CLN5: variants seen among roughly 807,000 people sequenced by gnomAD.
The protein encoded by CLN5 is CLN5 lysosomal BMP synthase, also known as bis(monoacylglycero)phosphate synthase CLN5.
A neutral mutation model predicts 36.7 loss-of-function variants in CLN5; 34 were observed. That is an observed-to-expected ratio of 0.93 (90% CI 0.71 to 1.23). The LOEUF is 1.23. Among genes scored for constraint, CLN5 ranks in the 50% most tolerant of loss-of-function variants. The pLI, the probability that CLN5 is intolerant of heterozygous loss-of-function variation, is 0.00. For synonymous variants in CLN5, 151 were observed against 155.1 expected (o/e 0.97, Z 0.20); for missense variants, 427 against 439.4 (o/e 0.97, Z 0.25).
At chr13:76,998,910 C>A (rs1014811081) in intron 3 of CLN5, 1 of 152,216 alleles carries the variant, frequency 6.6e-6, no homozygotes. Flanking sequence ...TTTCCACCTA[C>A]ATCGTTATCT....
chr13:76,998,699 C>T (rs2034309482), intron 3 of CLN5: 1 of 152,170 alleles, frequency 6.6e-6, no homozygotes, highest in Non-Finnish European at 1.5e-5. Context: ...CTCTCAAGGT[C>T]AAAGAGCTGG....
Position 77,002,884 on chromosome 13 carries a change from A to G in CLN5, c.*1915A>G, listed in dbSNP as rs1225265535. Reference sequence around the variant, plus strand: ...TTTCCAGAACTGCCTTGAAGAGACAAAGATTCTTGTACCAAGTTTTGGTCA... The same window carrying G: ...TTTCCAGAACTGCCTTGAAGAGACAGAGATTCTTGTACCAAGTTTTGGTCA... On this transcript the variant is annotated 3_prime_UTR_variant, in exon 4 of 4. Coordinates refer to ENST00000377453, the MANE Select transcript of CLN5 (RefSeq NM_006493.4). The G allele has an allele frequency of 6.6e-6, 1 of 152,220 alleles. No homozygotes were observed. Among genetic ancestry groups the G allele is most frequent in the Non-Finnish European group, 1.5e-5 (1 of 68,038 alleles). 9.4% of individuals were successfully genotyped at this position (152,220 alleles called of 1,614,324 possible).
chr13:76,996,955 A>G (rs1478560781), intron 3 of CLN5: 1 of 152,040 alleles, frequency 6.6e-6, no homozygotes, highest in African/African-American at 2.4e-5. Context: ...ACATCCCGCC[A>G]ATATCTATTT....
chr13:76,995,636 T>C (rs2034251980), intron 2 of CLN5: 1 of 543,610 alleles, frequency 1.8e-6, no homozygotes, highest in Non-Finnish European at 3.3e-6. Context: ...TATTCTAAGC[T>C]CTAAGGAAAT....
intron 1 of CLN5, 132 bp downstream of exon 1, chr13:76,992,403 T>A: frequency 9.0e-7 from 1 of 1,105,086 alleles, no homozygotes; most frequent in East Asian, 2.7e-5. Flanking sequence ...CAGCGCCGGG[T>A]GACGCTCGGA....
At chr13:76,993,214 C>T (rs914214787) in intron 1 of CLN5, 1 of 152,160 alleles carries the variant, frequency 6.6e-6, no homozygotes, top group Non-Finnish European at 1.5e-5. Flanking sequence ...GAAAGTTACT[C>T]AGAATCTCTG....
At chr13:76,994,411 C>G (rs2034230313) in intron 1 of CLN5, 1 of 152,370 alleles carries the variant, frequency 6.6e-6, no homozygotes, top group Admixed American at 6.5e-5. Flanking sequence ...CCCTCCCCAC[C>G]CCATTCATCC....
intron 3 of CLN5, chr13:76,996,351 A>G (rs938010122): frequency 5.8e-6 from 3 of 517,478 alleles, no homozygotes; most frequent in African/African-American, 3.8e-5. Flanking sequence ...GTTAAGTTAC[A>G]TGAATAAGTT....
At position 77,004,554 on chromosome 13, in the gene CLN5, C is replaced by T. The variant is rs1050492293; in HGVS notation, c.*3585C>T. On this transcript the variant is annotated 3_prime_UTR_variant, in exon 4 of 4. Transcript: ENST00000377453. ...TTGTGCCCTTTTTAAAGTTGGGTGT[C>T]AGCAAGCAGCTGGAATTTTCCTGCC... is the stretch of plus-strand genomic sequence containing the variant. The T allele has an allele frequency of 1.3e-5, 2 of 152,120 alleles. No homozygotes were observed. Among genetic ancestry groups the T allele is most frequent in the African/African-American group, 4.8e-5 (2 of 41,416 alleles). 9.4% of individuals were successfully genotyped at this position (152,120 alleles called of 1,614,324 possible).
In CLN5 at chr13:77,000,712, T is replaced by A; in HGVS notation, c.820T>A (p.Ser274Thr). 6.2e-7 allele frequency: 1 copy of A among 1,614,142 alleles called. No individual in the cohort carries two copies. Among genetic ancestry groups the A allele is most frequent in the Non-Finnish European group, 8.5e-7 (1 of 1,180,004 alleles). ...ACCTACTTATCTGGGAAATGAAACA[T>A]CTGTTTTTGGGCCAACAGGAAACAA... ...GEPTYLGNET[S>T]VFGPTGNKTL... Residue 274 changes from serine to threonine, a missense_variant, in exon 4 of 4, where the codon TCT (serine) becomes ACT (threonine). Ser to Thr is a moderately conservative substitution (Grantham distance 58). Transcript: ENST00000377453.
intron 3 of CLN5, chr13:77,000,070 T>C (rs2034331701): frequency 6.6e-6 from 1 of 152,120 alleles, no homozygotes; most frequent in Non-Finnish European, 1.5e-5. Context: ...TTAAAATTAA[T>C]ATGATTAGGC....
Position 77,000,586 on chromosome 13 carries a change from TC to T in CLN5, c.696del (p.Lys233AsnfsTer4). The T allele has an allele frequency of 6.2e-7, 1 of 1,614,106 alleles. No homozygotes were observed. Among genetic ancestry groups the T allele is most frequent in the Non-Finnish European group, 8.5e-7 (1 of 1,180,010 alleles). On this transcript the variant is annotated frameshift_variant, in exon 4 of 4. Coordinates refer to ENST00000377453, the MANE Select transcript of CLN5 (RefSeq NM_006493.4). LOFTEE classifies it high-confidence loss of function. ...AETWFDSYDC[S>X]KFVLRTFNKL... ...GACATGGTTTGATTCCTACGACTGT[TC>T]CAAATTTGTGTTAAGGACCTTTAAC...
In CLN5 at chr13:77,003,515, AGTT is replaced by A. The variant is rs1159513972; in HGVS notation, c.*2548_*2550del. On this transcript the variant is annotated 3_prime_UTR_variant, in exon 4 of 4. Transcript: ENST00000377453. Reference sequence around the variant, plus strand: ...TTCAAGAACATGCTTTCAAAATAGTAGTTGAGAAACCAAAACATAGCCACGCAG... The same window carrying A: ...TTCAAGAACATGCTTTCAAAATAGTAGAGAAACCAAAACATAGCCACGCAG... The A allele has an allele frequency of 6.6e-6, 1 of 152,222 alleles. No individual in the cohort carries two copies. Among genetic ancestry groups the A allele is most frequent in the East Asian group, 1.9e-4 (1 of 5,158 alleles). 9.4% of individuals were successfully genotyped at this position (152,222 alleles called of 1,614,324 possible).
In CLN5 at chr13:76,992,289, C is replaced by G; in HGVS notation, c.173+18C>G. 1 of 1,541,606 alleles carries G rather than the reference C, an allele frequency of 6.5e-7. No homozygotes were observed. The highest frequency in any genetic ancestry group is 2.4e-5 in the East Asian group (1 of 41,884). On this transcript the variant is annotated intron_variant, in intron 1 of 3. Coordinates refer to ENST00000377453, the MANE Select transcript of CLN5 (RefSeq NM_006493.4). Reference sequence around the variant, plus strand: ...CCCTACAAGTGAGTGCGGCGGCGCGCGCACTGTCGGGGTTGGGGTCGGCGT... The same window carrying G: ...CCCTACAAGTGAGTGCGGCGGCGCGGGCACTGTCGGGGTTGGGGTCGGCGT...
intron 1 of CLN5, chr13:76,993,473 T>G (rs2034214183): frequency 6.6e-6 from 1 of 152,168 alleles, no homozygotes; most frequent in South Asian, 2.1e-4. Flanking sequence ...AATTACTCAA[T>G]AGAACAAGAA....
chr13:76,999,324 A>G (rs942534769), intron 3 of CLN5: 2 of 152,266 alleles, frequency 1.3e-5, no homozygotes, highest in Non-Finnish European at 2.9e-5. Context: ...ATTAGGCATT[A>G]TAAATGCCCA....
Position 77,004,593 on chromosome 13 carries a change from A to C in CLN5, c.*3624A>C, listed in dbSNP as rs961349910. 6.6e-6 allele frequency: 1 copy of C among 152,150 alleles called. No individual in the cohort carries two copies. Among genetic ancestry groups the C allele is most frequent in the Non-Finnish European group, 1.5e-5 (1 of 68,016 alleles). The allele number at this position is 152,150 out of a possible 1,614,324, so 9.4% of individuals were successfully genotyped here. A position where few individuals can be genotyped will look rare whatever the true frequency, so the allele number is the denominator to read the frequency against. On this transcript the variant is annotated 3_prime_UTR_variant, in exon 4 of 4. Transcript: ENST00000377453. ...AATTTTCCTGCCTGGTAAAATTAAA[A>C]CCAGCCCCACAAACTGGGGTTGGAG...
chr13:76,995,108 G>T lies in CLN5; in HGVS notation c.219G>T (p.Lys73Asn). The T allele has an allele frequency of 6.2e-7, 1 of 1,614,106 alleles. No homozygotes were observed. The highest frequency in any genetic ancestry group is 8.5e-7 in the Non-Finnish European group (1 of 1,179,996). Reference protein sequence around the residue: ...RPKPDPYCQAKYTFCPTGSPI... With the variant: ...RPKPDPYCQANYTFCPTGSPI... ...AACCTGATCCTTATTGTCAAGCTAA[G>T]TATACTTTCTGTCCAACTGGCTCAC... Residue 73 changes from lysine (K) to asparagine (N), a missense_variant, in exon 2 of 4, where the codon AAG becomes AAT. Physicochemically the swap from Lys to Asn is moderately conservative, Grantham distance 94. Transcript: ENST00000377453.
chr13:76,996,176 A>G (rs1296820747), intron 3 of CLN5, 49 bp downstream of exon 3: 1 of 1,400,214 alleles, frequency 7.1e-7, no homozygotes, highest in Non-Finnish European at 1.0e-6. Context: ...CAAAAACCAA[A>G]TGAAAGAAAT....
Sources: allele counts gnomAD v4.1 joint callset, GRCh38; gene constraint gnomAD v4.1.1; transcripts MANE v1.5; gene names NCBI Gene and HGNC (gene_info 2026-07-23, HGNC 2026-07-21).